Variants in ASXL2 observed in about 807,000 individuals in gnomAD.
ASXL2 encodes the protein ASXL transcriptional regulator 2.
Under a neutral mutation model 122.0 loss-of-function variants are expected in ASXL2, and 23 were observed. That is an observed-to-expected ratio of 0.19 (90% CI 0.14 to 0.27). The LOEUF (loss-of-function observed/expected upper bound fraction) is 0.27. ASXL2 is among the 10% of genes least tolerant of loss of function. The pLI is 1.00. For missense variants in ASXL2, 1,518 were observed against 1,713.8 expected (o/e 0.89, Z 2.02); for synonymous variants, 650 against 637.0 (o/e 1.02, Z -0.31).
intron 1 of ASXL2, among the ~76,000 whole-genome samples, chr2:25,873,361 A>C (rs1398405240): frequency 6.6e-6 from 1 of 152,116 alleles, no homozygotes; most frequent in African/African-American, 2.4e-5. Context: ...CAGTGAGCCG[A>C]GATTGCACCA....
At chr2:25,810,251 GTCTCTTTCAATGACCACCAAC>G (rs2089148028) in intron 3 of ASXL2, 1 of 622,872 alleles carries the variant, frequency 1.6e-6, no homozygotes, top group East Asian at 3.8e-5. Context: ...TGAGTTCCAA[GTCTCTTTCAATGACCACCAAC>G]TTACGAGCCA....
chr2:25,838,039 C>T (rs533067613), intron 2 of ASXL2, among the ~76,000 whole-genome samples: 1 of 151,778 alleles, frequency 6.6e-6, no homozygotes, highest in East Asian at 1.9e-4. Context: ...GTCAAGGCTG[C>T]GGTGAGCCAT....
rs751950162 is a variant in ASXL2 at position 25,750,279 on chromosome 2, A to T, written c.1277T>A (p.Val426Asp). Residue 426 changes from valine (V) to aspartate (D), a missense_variant, in exon 12 of 13, where the codon GTC (valine) becomes GAC (aspartate). By Grantham distance (152) the Val-to-Asp change is radical. Transcript: ENST00000435504. The stretch of plus-strand genomic sequence containing the variant: ...TTCTTCTTTACACTCTGACTGGGAG[A>T]CTACTGGAACTATTCTGATAAGAGA... ...EASLIRIVPV[V>D]SQSECKEEAL... The T allele has an allele frequency of 6.2e-7, 1 of 1,613,914 alleles. No homozygotes were observed. Among genetic ancestry groups the T allele is most frequent in the East Asian group, 2.2e-5 (1 of 44,876 alleles).
intron 5 of ASXL2, among the ~76,000 whole-genome samples, chr2:25,782,463 T>C (rs1389387511): frequency 6.6e-6 from 1 of 152,046 alleles, no homozygotes; most frequent in African/African-American, 2.4e-5. Context: ...GGAGAATTGC[T>C]TGAACCCAGG....
In ASXL2 at chr2:25,807,169, G is replaced by C. The variant is rs189018169; in HGVS notation, c.144-832C>G. 3.9e-5 allele frequency among the ~76,000 whole-genome samples: 6 copies of C among 152,244 alleles called. No homozygotes were observed. The East Asian group carries it at 1.2e-3, about 29-fold the overall frequency. ...CTGGAGATGTGTGGCATCCTTAAAT[G>C]GTTTTTAAAAACTGATCACAATACC... On this transcript the variant is annotated intron_variant, in intron 3 of 12. Coordinates refer to ENST00000435504, the MANE Select transcript of ASXL2 (RefSeq NM_018263.6).
intron 3 of ASXL2, among the ~76,000 whole-genome samples, chr2:25,815,459 T>C (rs1189412644): frequency 6.6e-6 from 1 of 152,046 alleles, no homozygotes; most frequent in Non-Finnish European, 1.5e-5. Context: ...CTTGCTAAAA[T>C]AAGCCACTTC....
chr2:25,871,607 T>C (rs1166186192), intron 1 of ASXL2, among the ~76,000 whole-genome samples: 1 of 152,114 alleles, frequency 6.6e-6, no homozygotes, highest in Non-Finnish European at 1.5e-5. Flanking sequence ...ATTTTGGTTT[T>C]TGAGACAGAG....
At chr2:25,822,928 A>C in intron 3 of ASXL2, 1 of 530,808 alleles carries the variant, frequency 1.9e-6, no homozygotes, top group Admixed American at 2.1e-5. Flanking sequence ...AGCGATGATG[A>C]AAAAATGCCA....
At chr2:25,792,012 C>CTTTTTTTTTTTTTTTTTTTT in intron 5 of ASXL2, among the ~76,000 whole-genome samples, 1 of 152,112 alleles carries the variant, frequency 6.6e-6, no homozygotes, top group Non-Finnish European at 1.5e-5. Context: ...TCATTCATTT[C>CTTTTTTTTTTTTTTTTTTTT]TTGAGACAGG....
intron 5 of ASXL2, among the ~76,000 whole-genome samples, chr2:25,780,581 G>C (rs537209077): frequency 2.0e-5 from 3 of 152,242 alleles, no homozygotes; most frequent in East Asian, 3.9e-4. Flanking sequence ...CTGAAGTGAG[G>C]CCCAGGAATC....
intron 5 of ASXL2, among the ~76,000 whole-genome samples, chr2:25,789,957 A>T (rs1246858302): frequency 2.6e-5 from 4 of 152,232 alleles, no homozygotes; most frequent in Non-Finnish European, 4.4e-5. Flanking sequence ...CTGATGAAGC[A>T]TCGTAATAGT....
rs2087710714 is a variant in ASXL2, at chr2:25,734,905, G to A, written c.*7124C>T. 1 of 152,148 alleles carries A rather than the reference G, an allele frequency of 6.6e-6. No individual in the cohort carries two copies. The allele number at this position is 152,148 out of a possible 1,614,324, so 9.4% of individuals were successfully genotyped here. A position where few individuals can be genotyped will look rare whatever the true frequency, so the allele number is the denominator to read the frequency against. Reference sequence around the variant, plus strand: ...AAGAAATCTCTCAAAAATGGAATAAGCTACTTAATTCAAAGTTTACTTAAA... The same window carrying A: ...AAGAAATCTCTCAAAAATGGAATAAACTACTTAATTCAAAGTTTACTTAAA... On this transcript the variant is annotated 3_prime_UTR_variant, in exon 13 of 13. Transcript: ENST00000435504.
chr2:25,853,409 T>G (rs1212654132), intron 1 of ASXL2, among the ~76,000 whole-genome samples: 1 of 152,208 alleles, frequency 6.6e-6, no homozygotes, highest in Non-Finnish European at 1.5e-5. Context: ...GATGCACTTT[T>G]CTGTTCAGCT....
intron 3 of ASXL2, among the ~76,000 whole-genome samples, chr2:25,824,098 T>C (rs563354414): frequency 6.9e-6 from 1 of 145,620 alleles, no homozygotes; most frequent in East Asian, 1.9e-4. Context: ...CTCTAAAATA[T>C]ATATAGCAAT....
In ASXL2 at chr2:25,754,794, G is replaced by A. The variant is rs181785503; in HGVS notation, c.1037-1155C>T. Among the ~76,000 whole-genome samples, 126 of 151,818 alleles carry A rather than the reference G, an allele frequency of 8.3e-4. No homozygotes were observed. The Middle Eastern group carries it at 0.01, about 12-fold the overall frequency. ...CTTTACCAATTTATTCTTAAAGAAA[G>A]GTACCGGTAGAACTGGTATGTTTTA... is the stretch of plus-strand genomic sequence containing the variant. On this transcript the variant is annotated intron_variant, in intron 10 of 12. Coordinates refer to ENST00000435504, the MANE Select transcript of ASXL2 (RefSeq NM_018263.6).
chr2:25,758,996 T>TCA (rs2088189825), intron 9 of ASXL2, among the ~76,000 whole-genome samples: 1 of 151,990 alleles, frequency 6.6e-6, no homozygotes, highest in African/African-American at 2.4e-5. Context: ...ACTCTGTCAC[T>TCA]CAGGCTGGCG....
chr2:25,766,996 T>G (rs780801649), intron 8 of ASXL2, among the ~76,000 whole-genome samples: 4 of 152,202 alleles, frequency 2.6e-5, no homozygotes, highest in Admixed American at 6.6e-5. Flanking sequence ...GCAACTGCTC[T>G]TCAGCTCAGT....
In ASXL2 at chr2:25,741,567, C is replaced by T. The variant is rs2087827769; in HGVS notation, c.*462G>A. ...ATAACCTGCGGCCAGACTGTCCAGA[C>T]AAAATCAGTGTGAATGGTCATTTCT... On this transcript the variant is annotated 3_prime_UTR_variant, in exon 13 of 13. Transcript: ENST00000435504. 4.2e-6 allele frequency: 1 copy of T among 236,242 alleles called. No individual in the cohort carries two copies. The highest frequency in any genetic ancestry group is 5.2e-5 in the Admixed American group (1 of 19,382). 14.6% of individuals were successfully genotyped at this position (236,242 alleles called of 1,614,324 possible).
intron 1 of ASXL2, among the ~76,000 whole-genome samples, chr2:25,873,041 G>T (rs13425705): frequency 1.8e-4 from 28 of 152,038 alleles, no homozygotes; most frequent in African/African-American, 6.8e-4. Flanking sequence ...CCCATCACCC[G>T]AGCGGTGTAC....
Sources: allele counts gnomAD v4.1 joint callset (sites outside exome capture counted in the v4.1 genomes callset), GRCh38; gene constraint gnomAD v4.1.1; transcripts MANE v1.5; gene names NCBI Gene and HGNC (gene_info 2026-07-23, HGNC 2026-07-21).